Variants in ACOT11 observed in about 807,000 individuals in gnomAD.
ACOT11 encodes the protein acyl-CoA thioesterase 11, also known as acyl-coenzyme A thioesterase 11.
In ACOT11, 69 loss-of-function variants were observed where a neutral mutation model predicts 77.5. That is an observed-to-expected ratio of 0.89 (90% CI 0.73 to 1.09). ACOT11 has a LOEUF of 1.09. Among genes scored for constraint, ACOT11 ranks in the 50% least tolerant of loss-of-function variants. The pLI, the probability that ACOT11 is intolerant of heterozygous loss-of-function variation, is 0.00. For synonymous variants in ACOT11, 279 were observed against 313.0 expected (o/e 0.89, Z 1.15); for missense variants, 766 against 813.7 (o/e 0.94, Z 0.71).
chr1:54,621,192 G>C (rs1218336964), intron 15 of ACOT11, among the ~76,000 whole-genome samples: 2 of 150,172 alleles, frequency 1.3e-5, no homozygotes, highest in African/African-American at 4.9e-5. Context: ...CGCGGCGGCT[G>C]ACGCCTGTAA....
downstream of ACOT11, chr1:54,610,651 CCT>C (rs1644108328): frequency 2.7e-6 from 4 of 1,502,470 alleles, no homozygotes; most frequent in African/African-American, 1.4e-5. Flanking sequence ...CTACGGGCAT[CCT>C]CTCTAAGCCT....
At chr1:54,574,170 G>A (rs1473368810) in intron 1 of ACOT11, among the ~76,000 whole-genome samples, 1 of 152,206 alleles carries the variant, frequency 6.6e-6, no homozygotes, top group Non-Finnish European at 1.5e-5. Flanking sequence ...CGGAGAGGTT[G>A]AAACACTTGC....
chr1:54,609,534 G>GA lies in ACOT11; in HGVS notation c.*422_*423insA. ...TGCCAGAGCCCCTGGCACAACTCTA[G>GA]CATATCTGTGAGCAGCTGTTCCCTG... is the stretch of plus-strand genomic sequence containing the variant. On this transcript the variant is annotated 3_prime_UTR_variant, in exon 16 of 16. Coordinates refer to ENST00000343744, the MANE Select transcript of ACOT11 (RefSeq NM_147161.4). The GA allele has an allele frequency of 6.2e-7, 1 of 1,612,774 alleles. No individual in the cohort carries two copies. Among genetic ancestry groups the GA allele is most frequent in the Non-Finnish European group, 8.5e-7 (1 of 1,179,928 alleles).
chr1:54,620,554 A>T (rs1184421614), intron 15 of ACOT11, among the ~76,000 whole-genome samples: 3 of 147,002 alleles, frequency 2.0e-5, no homozygotes, highest in Non-Finnish European at 3.0e-5. Context: ...ACACATACAA[A>T]AATTAGCTGG....
At chr1:54,617,180 T>C (rs1264139597) in intron 15 of ACOT11, among the ~76,000 whole-genome samples, 1 of 152,160 alleles carries the variant, frequency 6.6e-6, no homozygotes, top group Non-Finnish European at 1.5e-5. Context: ...CCTTCAAGAA[T>C]TCAGTCTAGT....
chr1:54,565,668 A>G (rs1487822118), intron 1 of ACOT11, among the ~76,000 whole-genome samples: 1 of 152,172 alleles, frequency 6.6e-6, no homozygotes, highest in Non-Finnish European at 1.5e-5. Flanking sequence ...CATGGTAAGT[A>G]GCAGTCATAG....
chr1:54,560,144 G>A (rs976526508), intron 1 of ACOT11, among the ~76,000 whole-genome samples: 1 of 152,162 alleles, frequency 6.6e-6, no homozygotes, highest in Non-Finnish European at 1.5e-5. Context: ...GTCCTCAGAT[G>A]CCCTCAGGTT....
At chr1:54,585,811 C>G (rs1425873863) in intron 2 of ACOT11, 24 bp from the exon 3 acceptor site, 1 of 1,613,606 alleles carries the variant, frequency 6.2e-7, no homozygotes, top group Admixed American at 1.7e-5. Flanking sequence ...CTGCTAATGT[C>G]TGGCTTTCTT....
chr1:54,617,014 T>A (rs1644179806), intron 15 of ACOT11, among the ~76,000 whole-genome samples: 1 of 152,196 alleles, frequency 6.6e-6, no homozygotes, highest in African/African-American at 2.4e-5. Context: ...CACAGGGTCA[T>A]TTTTAAAGCC....
intron 1 of ACOT11, among the ~76,000 whole-genome samples, chr1:54,562,133 G>A (rs1480801773): frequency 1.5e-5 from 1 of 65,042 alleles, no homozygotes; most frequent in Non-Finnish European, 2.8e-5. Context: ...GGCTGGCCGG[G>A]CAGAGGGGCT....
At chr1:54,563,156 T>A (rs1569657690) in intron 1 of ACOT11, among the ~76,000 whole-genome samples, 3 of 152,360 alleles carry the variant, frequency 2.0e-5, no homozygotes, top group East Asian at 1.9e-4. Context: ...TCTGATTTTT[T>A]AAAAATGTAT....
intron 7 of ACOT11, 26 bp from the exon 8 acceptor site, chr1:54,599,270 C>T (rs1282746527): frequency 6.8e-7 from 1 of 1,464,212 alleles, no homozygotes; most frequent in African/African-American, 1.4e-5. Flanking sequence ...GGCATTCCTT[C>T]TGTCTCCCCA....
intron 15 of ACOT11, chr1:54,619,953 C>T (rs1243300989): frequency 8.7e-6 from 14 of 1,614,070 alleles, no homozygotes; most frequent in African/African-American, 2.7e-5. Flanking sequence ...CTGGCCCAGG[C>T]TCAGCAGGTA....
chr1:54,612,330 G>T (rs958877421), downstream of ACOT11, among the ~76,000 whole-genome samples: 1 of 151,736 alleles, frequency 6.6e-6, no homozygotes, highest in African/African-American at 2.4e-5. Flanking sequence ...GTCACCAGAG[G>T]TATGCAAGCA....
At position 54,605,080 on chromosome 1, in the gene ACOT11, G is replaced by T; in HGVS notation, c.1241G>T (p.Arg414Leu). The stretch of plus-strand genomic sequence containing the variant: ...GCTGCCCTCTATCCCATGCAGGTCC[G>T]CCTGTACACTCTGGAGGATGACAAG... ...WVLSSEISQV[R>L]LYTLEDDKFL... is the part of the protein sequence containing the mutation. The change falls in exon 13 of 16, where the codon CGC becomes CTC. Residue 414 changes from arginine (R) to leucine (L), a missense_variant. Coordinates refer to ENST00000343744, the MANE Select transcript of ACOT11 (RefSeq NM_147161.4). 2 of 1,613,128 alleles carry T rather than the reference G, an allele frequency of 1.2e-6. No individual in the cohort carries two copies. The highest frequency in any genetic ancestry group is 8.5e-7 in the Non-Finnish European group (1 of 1,179,808).
chr1:54,560,649 T>C (rs1268250531), intron 1 of ACOT11, among the ~76,000 whole-genome samples: 5 of 152,000 alleles, frequency 3.3e-5, no homozygotes, highest in Admixed American at 1.3e-4. Context: ...CTGCTGTAGC[T>C]TCCCCTCTCA....
intron 3 of ACOT11, among the ~76,000 whole-genome samples, chr1:54,587,370 C>T (rs58641023): frequency 5.3e-5 from 8 of 151,198 alleles, no homozygotes; most frequent in East Asian, 2.0e-4. Context: ...AAAAATTAGC[C>T]GGGCGTGGTG....
At chr1:54,611,746 C>T (rs780265540), downstream of ACOT11, 4 of 1,614,026 alleles carry the variant, frequency 2.5e-6, no homozygotes, top group Admixed American at 3.3e-5. Context: ...CAGGCTGTAC[C>T]TGGGGACACG....
intron 1 of ACOT11, among the ~76,000 whole-genome samples, chr1:54,569,273 T>A (rs1230104578): frequency 1.3e-5 from 2 of 152,168 alleles, no homozygotes; most frequent in African/African-American, 4.8e-5. Context: ...TGGGAGTTTT[T>A]AAAAAGATTT....
Sources: gnomAD v4.1 joint callset for allele counts (sites outside exome capture counted in the v4.1 genomes callset) on GRCh38, gnomAD v4.1.1 for gene constraint, MANE v1.5 for transcripts, NCBI Gene and HGNC (gene_info 2026-07-23, HGNC 2026-07-21) for gene names.